CCSER1: variants seen among roughly 807,000 people sequenced by gnomAD.
The protein encoded by CCSER1 is serine-rich coiled-coil domain-containing protein 1.
In CCSER1, 41 loss-of-function variants were observed where a neutral mutation model predicts 82.0. The observed-to-expected ratio is 0.50, with a 90% CI of 0.39 to 0.65. The LOEUF (loss-of-function observed/expected upper bound fraction) is 0.65, where lower values mean the gene tolerates loss of function less well. Ranked by LOEUF, CCSER1 falls within the 30% of genes least tolerant of loss-of-function variation. The probability of loss-of-function intolerance (pLI) is 0.00; values close to 1 mark genes in which losing one functional copy is unlikely to be tolerated. For synonymous variants in CCSER1, 414 were observed against 383.9 expected, an observed-to-expected ratio of 1.08 and a Z score of -0.92; for missense variants, 1,119 against 1,064.2, an observed-to-expected ratio of 1.05 and a Z score of -0.72.
chr4:90,810,788 C>T (rs887111028), intron 7 of CCSER1, among the ~76,000 whole-genome samples: 4 of 150,746 alleles, frequency 2.7e-5, no homozygotes, highest in African/African-American at 9.8e-5. Flanking sequence ...GGGTGTGCCA[C>T]TTGGCCAAAA....
chr4:91,578,236 A>G (rs890300726), intron 10 of CCSER1, among the ~76,000 whole-genome samples: 1 of 152,040 alleles, frequency 6.6e-6, no homozygotes, highest in Admixed American at 6.6e-5. Flanking sequence ...CAAAGGTAGT[A>G]TATATGTATA....
intron 10 of CCSER1, among the ~76,000 whole-genome samples, chr4:91,288,637 G>A (rs1743506075): frequency 6.6e-6 from 1 of 151,992 alleles, no homozygotes. Flanking sequence ...CTGCAAGAAA[G>A]GCACAAAACT....
At chr4:90,412,836 A>C (rs1245622898) in intron 4 of CCSER1, among the ~76,000 whole-genome samples, 2 of 152,208 alleles carry the variant, frequency 1.3e-5, no homozygotes, top group South Asian at 2.1e-4. Flanking sequence ...ATTCTCCCTG[A>C]GAACTGGAAC....
Position 90,988,353 on chromosome 4 carries a change from AAAAAAAAAAAG to A in CCSER1, c.2172+64910_2172+64920del, listed in dbSNP as rs1736746785. The stretch of plus-strand genomic sequence containing the variant: ...TTGTCTCAAAAAAAAAAAAAAAAAA[AAAAAAAAAAAG>A]AAAGAAAAGAACAAGCTTAAATATC... On this transcript the variant is annotated intron_variant, in intron 9 of 10. Coordinates refer to ENST00000509176, the MANE Select transcript of CCSER1 (RefSeq NM_001145065.2). Among the ~76,000 whole-genome samples, 24 of 148,800 alleles carry A rather than the reference AAAAAAAAAAAG, an allele frequency of 1.6e-4. No individual in the cohort carries two copies. The South Asian group carries it at 4.6e-3, about 29-fold the overall frequency.
At chr4:91,123,751 T>C (rs1727281379) in intron 10 of CCSER1, among the ~76,000 whole-genome samples, 1 of 151,784 alleles carries the variant, frequency 6.6e-6, no homozygotes, top group Non-Finnish European at 1.5e-5. Context: ...GAGTTTAAGT[T>C]CAGTATTTAA....
At chr4:90,444,375 T>C (rs965786034) in intron 4 of CCSER1, among the ~76,000 whole-genome samples, 3 of 152,064 alleles carry the variant, frequency 2.0e-5, no homozygotes, top group Non-Finnish European at 4.4e-5. Context: ...GTTTGAAGCA[T>C]TGACCCTGTG....
At chr4:90,440,618 G>A (rs1759728724) in intron 4 of CCSER1, among the ~76,000 whole-genome samples, 1 of 152,166 alleles carries the variant, frequency 6.6e-6, no homozygotes, top group Non-Finnish European at 1.5e-5. Context: ...TGTAAGGGTA[G>A]GGTAGGCTTT....
intron 7 of CCSER1, among the ~76,000 whole-genome samples, chr4:90,813,106 T>G (rs1245091784): frequency 6.6e-6 from 1 of 152,172 alleles, no homozygotes; most frequent in African/African-American, 2.4e-5. Context: ...CAAAGTCTCA[T>G]CTGAGACAAG....
intron 9 of CCSER1, among the ~76,000 whole-genome samples, chr4:91,032,916 C>G (rs1054119993): frequency 6.6e-6 from 1 of 152,148 alleles, no homozygotes; most frequent in Non-Finnish European, 1.5e-5. Flanking sequence ...AACTACTGAT[C>G]TAGAGCAAGA....
chr4:90,923,521 G>T, intron 9 of CCSER1, 74 bp downstream of exon 9: 1 of 995,400 alleles, frequency 1.0e-6, no homozygotes, highest in South Asian at 1.4e-5. Flanking sequence ...GACCTCTGCG[G>T]CTGCTGTGTC....
chr4:90,894,592 CT>C (rs1438789112), intron 8 of CCSER1, among the ~76,000 whole-genome samples: 1 of 151,956 alleles, frequency 6.6e-6, no homozygotes, highest in Non-Finnish European at 1.5e-5. Flanking sequence ...TCTGCCTCCC[CT>C]TTTTTGTCTT....
At chr4:91,138,974 G>A (rs560281721) in intron 10 of CCSER1, among the ~76,000 whole-genome samples, 1 of 152,182 alleles carries the variant, frequency 6.6e-6, no homozygotes, top group Admixed American at 6.6e-5. Context: ...TGAATGATCT[G>A]TCACCCAGGT....
chr4:91,553,069 A>G (rs1762236189), intron 10 of CCSER1, among the ~76,000 whole-genome samples: 1 of 151,572 alleles, frequency 6.6e-6, no homozygotes. Flanking sequence ...TGAGAGACGT[A>G]TATTCTACAC....
chr4:90,502,326 C>T (rs79666190), intron 5 of CCSER1, among the ~76,000 whole-genome samples: 8,082 of 152,006 alleles, frequency 0.053, 618 homozygotes, highest in African/African-American at 0.17. Context: ...AGTGCAACAC[C>T]CTTTTAAACA....
intron 9 of CCSER1, among the ~76,000 whole-genome samples, chr4:90,935,712 C>A (rs1730848687): frequency 1.3e-5 from 2 of 152,026 alleles, no homozygotes; most frequent in Admixed American, 6.5e-5. Flanking sequence ...CCAGCAGTAA[C>A]ATGTATTTGA....
chr4:90,521,844 A>G (rs1773177328), intron 5 of CCSER1, among the ~76,000 whole-genome samples: 1 of 152,186 alleles, frequency 6.6e-6, no homozygotes, highest in Admixed American at 6.5e-5. Context: ...CTAAGAGAAT[A>G]CTGGTCAAGA....
intron 10 of CCSER1, among the ~76,000 whole-genome samples, chr4:91,462,630 G>A (rs961196448): frequency 5.9e-5 from 9 of 152,088 alleles, no homozygotes; most frequent in African/African-American, 9.7e-5. Context: ...GGTGCCAGAC[G>A]GCACTTGGAA....
intron 10 of CCSER1, among the ~76,000 whole-genome samples, chr4:91,141,802 T>C (rs553134395): frequency 4.2e-4 from 64 of 152,290 alleles, no homozygotes; most frequent in African/African-American, 1.4e-3. Context: ...TTTTTGGCCC[T>C]TTTAATAAAA....
At chr4:90,222,514 G>T (rs1225740196) in intron 1 of CCSER1, among the ~76,000 whole-genome samples, 1 of 152,058 alleles carries the variant, frequency 6.6e-6, no homozygotes, top group African/African-American at 2.4e-5. Flanking sequence ...TTAGTGTATT[G>T]TTTCTAAATG....
Sources: allele counts gnomAD v4.1 joint callset (sites outside exome capture counted in the v4.1 genomes callset), GRCh38; gene constraint gnomAD v4.1.1; transcripts MANE v1.5; gene names NCBI Gene and HGNC (gene_info 2026-07-23, HGNC 2026-07-21).